The following BARX2 variants were observed in gnomAD, a reference collection of about 807,000 sequenced individuals.
The protein encoded by BARX2 is homeobox protein BarH-like 2.
A neutral mutation model predicts 25.5 loss-of-function variants in BARX2; 11 were observed. The ratio of observed to expected loss-of-function variants is 0.43; its 90% CI spans 0.27 to 0.71. The LOEUF is 0.71. Ranked by LOEUF, BARX2 falls within the 30% of genes least tolerant of loss-of-function variation. The probability of loss-of-function intolerance (pLI) is 0.19; values close to 1 mark genes in which losing one functional copy is unlikely to be tolerated. For synonymous variants in BARX2, 137 were observed against 149.5 expected (o/e 0.92, Z 0.61); for missense variants, 360 against 359.9 (o/e 1.00, Z 0.00).
intron 1 of BARX2, among the ~76,000 whole-genome samples, chr11:129,430,428 G>C (rs1862116065): frequency 6.6e-6 from 1 of 151,966 alleles, no homozygotes; most frequent in African/African-American, 2.4e-5. Context: ...CTAAGATTTG[G>C]GGTTGAAAGC....
intron 1 of BARX2, among the ~76,000 whole-genome samples, chr11:129,392,623 G>GT (rs1427294183): frequency 6.6e-6 from 1 of 152,014 alleles, no homozygotes; most frequent in South Asian, 2.1e-4. Context: ...TTTGATTCTT[G>GT]TTTTTTGAGA....
At chr11:129,391,856 C>A (rs538362497) in intron 1 of BARX2, among the ~76,000 whole-genome samples, 3 of 152,188 alleles carry the variant, frequency 2.0e-5, no homozygotes, top group African/African-American at 7.2e-5. Context: ...CTGAGGATGG[C>A]CCCTGAGGAG....
In BARX2 at chr11:129,375,945, C is replaced by A. The variant is rs1861497452; in HGVS notation, c.-91C>A. ...CCTCCCCAGCTGCCGGGAGCGGGGCCCAGGCCCCGCCGTCGCGCCAGCCCC... is the reference window on the plus strand; with the variant it reads ...CCTCCCCAGCTGCCGGGAGCGGGGCACAGGCCCCGCCGTCGCGCCAGCCCC... On this transcript the variant is annotated 5_prime_UTR_variant, in exon 1 of 4. Transcript: ENST00000281437. This position sits in a 1 kb window ranked among gnomAD's most constrained non-coding sequence, Gnocchi z 4.0. 5.1e-6 allele frequency: 4 copies of A among 783,544 alleles called. No individual in the cohort carries two copies. The highest frequency in any genetic ancestry group is 6.2e-6 in the Non-Finnish European group (4 of 643,906). 48.5% of individuals were successfully genotyped at this position (783,544 alleles called of 1,614,324 possible).
chr11:129,410,644 A>G (rs2875112), intron 1 of BARX2, among the ~76,000 whole-genome samples: 18,432 of 152,166 alleles, frequency 0.12, 1,224 homozygotes, highest in East Asian at 0.23. Flanking sequence ...GCAGGGAGCA[A>G]GCTGTTAGTT....
chr11:129,389,422 A>G (rs1861645810), intron 1 of BARX2, among the ~76,000 whole-genome samples: 1 of 152,202 alleles, frequency 6.6e-6, no homozygotes, highest in Non-Finnish European at 1.5e-5. Context: ...TTTGAGTTCA[A>G]GTCTTCATGA....
chr11:129,377,263 T>A (rs1341024818), intron 1 of BARX2, among the ~76,000 whole-genome samples: 2 of 152,224 alleles, frequency 1.3e-5, no homozygotes, highest in Admixed American at 1.3e-4. Context: ...TTGGAAGATA[T>A]TTTTTGGAAC....
chr11:129,444,148 T>C (rs184631953), intron 3 of BARX2, among the ~76,000 whole-genome samples: 144 of 152,266 alleles, frequency 9.5e-4, no homozygotes, highest in African/African-American at 3.3e-3. Context: ...TTCTCAATGT[T>C]GTGGTTTTGT....
At chr11:129,388,405 G>T (rs902341596) in intron 1 of BARX2, among the ~76,000 whole-genome samples, 2 of 152,070 alleles carry the variant, frequency 1.3e-5, no homozygotes, top group Non-Finnish European at 2.9e-5. Context: ...TGTCTGTGTA[G>T]CATTCGCTAC....
chr11:129,375,994 C>G lies in BARX2; in HGVS notation c.-42C>G, dbSNP rs1450759683. The G allele has an allele frequency of 7.9e-7, 1 of 1,268,670 alleles. No individual in the cohort carries two copies. 78.6% of individuals were successfully genotyped at this position (1,268,670 alleles called of 1,614,324 possible). ...CCGCGGCCCCAGCGGGCCGGGCACT[C>G]GCAGCCGCGCTCGGGCCGGCGGACG... On this transcript the variant is annotated 5_prime_UTR_variant, in exon 1 of 4. Transcript: ENST00000281437. This position sits in a 1 kb window ranked among gnomAD's most constrained non-coding sequence, Gnocchi z 4.0.
chr11:129,444,559 C>T (rs186146038), intron 3 of BARX2, among the ~76,000 whole-genome samples: 13 of 152,282 alleles, frequency 8.5e-5, no homozygotes, highest in Admixed American at 8.5e-4. Context: ...ATCACCCTTG[C>T]CTTCATGGAA....
intron 1 of BARX2, among the ~76,000 whole-genome samples, chr11:129,387,477 G>C (rs570169655): frequency 6.6e-6 from 1 of 152,312 alleles, no homozygotes; most frequent in South Asian, 2.1e-4. Flanking sequence ...GAGAGAGGAA[G>C]GTGTTTTAAT....
chr11:129,376,164 C>G lies in BARX2; in HGVS notation c.129C>G (p.Ser43=), dbSNP rs780436187. Reference sequence around the variant, plus strand: ...CCTGCGATTACTTTGAGAAACTTTCCCTCTACTCCGTGTGCCCGTCGCTGG... The same window carrying G: ...CCTGCGATTACTTTGAGAAACTTTCGCTCTACTCCGTGTGCCCGTCGCTGG... ...KETCDYFEKL[S]LYSVCPSLVV... Residue 43 remains serine, a synonymous_variant, in exon 1 of 4, where the codon TCC becomes TCG. Transcript: ENST00000281437. This position sits in a 1 kb window ranked among gnomAD's most constrained non-coding sequence, Gnocchi z 4.2. The G allele has an allele frequency of 6.2e-7, 1 of 1,613,508 alleles. No individual in the cohort carries two copies. The highest frequency in any genetic ancestry group is 1.1e-5 in the South Asian group (1 of 91,008).
intron 1 of BARX2, among the ~76,000 whole-genome samples, chr11:129,418,776 T>C (rs951352743): frequency 6.6e-6 from 1 of 152,198 alleles, no homozygotes; most frequent in Admixed American, 6.5e-5. Flanking sequence ...AGCTCATTAT[T>C]AACACACCCT....
At chr11:129,403,244 T>C (rs1424535356) in intron 1 of BARX2, among the ~76,000 whole-genome samples, 1 of 152,262 alleles carries the variant, frequency 6.6e-6, no homozygotes, top group African/African-American at 2.4e-5. Flanking sequence ...TAATTGCTTA[T>C]AAAATAGGTG....
At chr11:129,437,595 G>A (rs868639699) in intron 2 of BARX2, 9 of 827,744 alleles carry the variant, frequency 1.1e-5, no homozygotes, top group Non-Finnish European at 1.3e-5. Context: ...CTGAGACCCA[G>A]GAGGACCTGG....
Position 129,376,924 on chromosome 11 carries a change from A to C in BARX2, c.187+702A>C, listed in dbSNP as rs1414060964. ...GAGGTAAGAGCAATAGTAAAGATAA[A>C]GAGAACTTAATACATATATTGAAAA... On this transcript the variant is annotated intron_variant, in intron 1 of 3. Transcript: ENST00000281437. This position sits in a 1 kb window ranked among gnomAD's most constrained non-coding sequence, Gnocchi z 4.2. 6.6e-6 allele frequency among the ~76,000 whole-genome samples: 1 copy of C among 152,274 alleles called. No individual in the cohort carries two copies. Among genetic ancestry groups the C allele is most frequent in the Non-Finnish European group, 1.5e-5 (1 of 68,048 alleles).
At chr11:129,381,410 T>C (rs1861562675) in intron 1 of BARX2, among the ~76,000 whole-genome samples, 1 of 152,178 alleles carries the variant, frequency 6.6e-6, no homozygotes, top group African/African-American at 2.4e-5. Context: ...TTGTTTGTTG[T>C]TGTTTTTTCC....
chr11:129,412,838 T>G lies in BARX2; in HGVS notation c.188-23913T>G, dbSNP rs980657520. Among the ~76,000 whole-genome samples the G allele has an allele frequency of 3.9e-5, 6 of 152,294 alleles. No individual in the cohort carries two copies. The East Asian group carries it at 1.2e-3, about 29-fold the overall frequency. ...CCTCAGTTAGGGACTATTAATTGAG[T>G]GCCAATGATGTGTCTGGCCCTAAAA... On this transcript the variant is annotated intron_variant, in intron 1 of 3. Coordinates refer to ENST00000281437, the MANE Select transcript of BARX2 (RefSeq NM_003658.5).
chr11:129,410,595 C>T (rs1280950684), intron 1 of BARX2, among the ~76,000 whole-genome samples: 4 of 152,152 alleles, frequency 2.6e-5, no homozygotes, highest in African/African-American at 4.8e-5. Context: ...TGAATATGTG[C>T]ACACCCTGTG....
Sources: allele counts gnomAD v4.1 joint callset (sites outside exome capture counted in the v4.1 genomes callset), GRCh38; gene constraint gnomAD v4.1.1; non-coding constraint Gnocchi (gnomAD v3.1); transcripts MANE v1.5; gene names NCBI Gene and HGNC (gene_info 2026-07-23, HGNC 2026-07-21).